Variants in EPC1 observed in about 807,000 individuals in gnomAD.
The protein encoded by EPC1 is enhancer of polycomb homolog 1.
EPC1 carries 12 observed loss-of-function variants against 98.4 expected under a neutral mutation model. The observed-to-expected ratio is 0.12, with a 90% CI of 0.08 to 0.20. EPC1 has a LOEUF of 0.20. Among genes scored for constraint, EPC1 ranks in the 10% least tolerant of loss-of-function variants. The pLI is 1.00. For synonymous variants in EPC1, 357 were observed against 363.9 expected, an observed-to-expected ratio of 0.98 and a Z score of 0.21; for missense variants, 729 against 990.5, an observed-to-expected ratio of 0.74 and a Z score of 3.54.
At chr10:32,337,513 C>T (rs796392568) in intron 1 of EPC1, among the ~76,000 whole-genome samples, 2 of 152,294 alleles carry the variant, frequency 1.3e-5, no homozygotes, top group African/African-American at 4.8e-5. Flanking sequence ...ACTCTGAATT[C>T]TGTTTCTTCA....
rs150858943 is a variant in EPC1 at position 32,341,331 on chromosome 10, C to CTGTGTGTGTGTGTG, written c.153+5431_153+5432insCACACACACACACA. 4.0e-3 allele frequency among the ~76,000 whole-genome samples: 612 copies of CTGTGTGTGTGTGTG among 151,178 alleles called. 7 individuals are homozygous for CTGTGTGTGTGTGTG. The highest frequency in any genetic ancestry group is 0.014 in the African/African-American group (573 of 41,382). ...TGGACACATGTCTGTGTGTGTGTGTCTGTGTGTGTGTATAGATTCTATGTT... is the reference window on the plus strand; with the variant it reads ...TGGACACATGTCTGTGTGTGTGTGTCTGTGTGTGTGTGTGTGTGTGTGTGTATAGATTCTATGTT... On this transcript the variant is annotated intron_variant, in intron 1 of 13. Coordinates refer to ENST00000319778, the MANE Select transcript of EPC1 (RefSeq NM_001272004.3).
intron 1 of EPC1, among the ~76,000 whole-genome samples, chr10:32,323,603 T>C (rs138126648): frequency 8.1e-4 from 123 of 152,332 alleles, no homozygotes; most frequent in African/African-American, 2.9e-3. Context: ...AAATCTGAAT[T>C]GGAATTCCAA....
At chr10:32,361,807 C>T (rs780030034) in intron 1 of EPC1, among the ~76,000 whole-genome samples, 2 of 152,184 alleles carry the variant, frequency 1.3e-5, no homozygotes, top group Non-Finnish European at 2.9e-5. Flanking sequence ...ACCTACTGGG[C>T]TGCATTCCCA....
intron 1 of EPC1, among the ~76,000 whole-genome samples, chr10:32,310,934 A>G (rs572326309): frequency 6.6e-6 from 1 of 152,248 alleles, no homozygotes; most frequent in South Asian, 2.1e-4. Flanking sequence ...AACAATCTCC[A>G]TTTTATAAAT....
At chr10:32,323,554 TAA>T (rs1164829468) in intron 1 of EPC1, among the ~76,000 whole-genome samples, 1 of 152,226 alleles carries the variant, frequency 6.6e-6, no homozygotes, top group East Asian at 1.9e-4. Flanking sequence ...TCTAAGTATA[TAA>T]AAGATATGAT....
intron 10 of EPC1, chr10:32,281,542 C>T (rs1029368491): frequency 6.6e-6 from 1 of 152,200 alleles, no homozygotes; most frequent in Non-Finnish European, 1.5e-5. Flanking sequence ...AATAAAGTGG[C>T]AATGCGGGCA....
intron 13 of EPC1, among the ~76,000 whole-genome samples, chr10:32,269,751 C>T (rs899829399): frequency 6.6e-6 from 1 of 152,190 alleles, no homozygotes; most frequent in African/African-American, 2.4e-5. Flanking sequence ...GACAGATGAG[C>T]TATATAATTA....
At position 32,333,852 on chromosome 10, in the gene EPC1, T is replaced by C. The variant is rs373923212; in HGVS notation, c.153+12911A>G. Among the ~76,000 whole-genome samples the C allele has an allele frequency of 1.8e-3, 281 of 152,322 alleles. 2 individuals are homozygous for C. The highest frequency in any genetic ancestry group is 5.8e-3 in the African/African-American group (240 of 41,576). ...ATTTGTGCATATGATTTTCAACTAA[T>C]AGATTGACCCCAAAAGGATTCACAA... On this transcript the variant is annotated intron_variant, in intron 1 of 13. Coordinates refer to ENST00000319778, the MANE Select transcript of EPC1 (RefSeq NM_001272004.3).
chr10:32,290,505 A>AAAAAAAAAAAAGAAAG (rs1554819136), intron 6 of EPC1, among the ~76,000 whole-genome samples: 13 of 77,526 alleles, frequency 1.7e-4, no homozygotes, highest in African/African-American at 7.2e-4. Context: ...AAAAAAAAAA[A>AAAAAAAAAAAAGAAAG]AAAGAAAGAA....
chr10:32,365,444 CCAA>C (rs888496353), intron 1 of EPC1, among the ~76,000 whole-genome samples: 8 of 151,910 alleles, frequency 5.3e-5, no homozygotes, highest in Non-Finnish European at 7.4e-5. Context: ...GAGAAAAATA[CCAA>C]CAACAACAAC....
At chr10:32,313,383 A>T (rs1836361052) in intron 1 of EPC1, among the ~76,000 whole-genome samples, 1 of 152,242 alleles carries the variant, frequency 6.6e-6, no homozygotes, top group African/African-American at 2.4e-5. Context: ...GCTCTACATG[A>T]CACTGCAGAG....
chr10:32,375,448 T>C (rs1839851934), intron 1 of EPC1, among the ~76,000 whole-genome samples: 1 of 152,114 alleles, frequency 6.6e-6, no homozygotes, highest in Admixed American at 6.5e-5. Flanking sequence ...TGCAAGTTAA[T>C]AAATTAGGAA....
intron 1 of EPC1, among the ~76,000 whole-genome samples, chr10:32,364,001 CATTTTTTTTTTT>C (rs1251079593): frequency 4.9e-5 from 3 of 61,840 alleles, no homozygotes. Flanking sequence ...ATCATGTTGG[CATTTTTTTTTTT>C]TTTTTTTTTT....
intron 10 of EPC1, among the ~76,000 whole-genome samples, chr10:32,274,532 A>G (rs1162380047): frequency 2.0e-5 from 3 of 152,024 alleles, no homozygotes; most frequent in Middle Eastern, 3.2e-3. Flanking sequence ...AGAAAACCTA[A>G]TAAGTTATTA....
intron 1 of EPC1, among the ~76,000 whole-genome samples, chr10:32,324,930 A>T (rs553808253): frequency 6.6e-6 from 1 of 152,128 alleles, no homozygotes; most frequent in Admixed American, 6.5e-5. Context: ...AACCCAGGTA[A>T]CTGACGTTGC....
At chr10:32,300,302 T>A (rs1409082118) in intron 2 of EPC1, among the ~76,000 whole-genome samples, 1 of 152,168 alleles carries the variant, frequency 6.6e-6, no homozygotes. Flanking sequence ...CATGCAGGTT[T>A]GTTACATATG....
intron 1 of EPC1, among the ~76,000 whole-genome samples, chr10:32,357,852 T>A (rs993848044): frequency 4.3e-4 from 46 of 107,378 alleles, no homozygotes; most frequent in Non-Finnish European, 7.6e-4. Context: ...TCTCAATAAA[T>A]TTTTTTTTTT....
intron 1 of EPC1, among the ~76,000 whole-genome samples, chr10:32,335,619 A>G (rs761910972): frequency 3.3e-5 from 5 of 152,134 alleles, no homozygotes; most frequent in Non-Finnish European, 5.9e-5. Context: ...TCAGAAGTTC[A>G]CAGCATCACT....
chr10:32,308,625 T>C (rs188107517), intron 1 of EPC1, among the ~76,000 whole-genome samples: 73 of 152,328 alleles, frequency 4.8e-4, no homozygotes, highest in Admixed American at 4.8e-3. Flanking sequence ...GATGAAATAA[T>C]CTGTTCTCCT....
Sources: gnomAD v4.1 joint callset for allele counts (sites outside exome capture counted in the v4.1 genomes callset) on GRCh38, gnomAD v4.1.1 for gene constraint, MANE v1.5 for transcripts, NCBI Gene and HGNC (gene_info 2026-07-23, HGNC 2026-07-21) for gene names.